Variants in XKR9 observed in about 807,000 individuals in gnomAD.
XKR9 encodes XK related 9.
Under a neutral mutation model 32.0 loss-of-function variants are expected in XKR9, and 32 were observed. The ratio of observed to expected loss-of-function variants is 1.00; its 90% CI spans 0.76 to 1.34. The LOEUF is 1.34. Among genes scored for constraint, XKR9 ranks in the 40% most tolerant of loss-of-function variants. The pLI is 0.00. For synonymous variants in XKR9, 168 were observed against 143.4 expected (o/e 1.17, Z -1.22); for missense variants, 546 against 429.7 (o/e 1.27, Z -2.39).
At chr8:70,991,763 G>A in the XKR9 span, among the ~76,000 whole-genome samples, 7 of 152,172 alleles carry the variant, frequency 4.6e-5, no homozygotes, top group Non-Finnish European at 1.0e-4. Context: ...CTGCTATACA[G>A]TTAATTTAAA....
At chr8:70,818,087 C>G in the XKR9 span, among the ~76,000 whole-genome samples, 1 of 152,138 alleles carries the variant, frequency 6.6e-6, no homozygotes, top group Admixed American at 6.5e-5. Context: ...AAAGCAACTG[C>G]AGCAAGAACA....
chr8:70,897,506 A>G, the XKR9 span, among the ~76,000 whole-genome samples: 2 of 152,212 alleles, frequency 1.3e-5, no homozygotes, highest in East Asian at 1.9e-4. Context: ...CCAACAGGGT[A>G]CAAGGGTTCC....
At chr8:70,726,749 T>G in intron 4 of XKR9, among the ~76,000 whole-genome samples, 1 of 152,212 alleles carries the variant, frequency 6.6e-6, no homozygotes, top group East Asian at 1.9e-4. Context: ...CTCGTTGACT[T>G]TCTGGAGGGC....
In XKR9 at chr8:70,735,183, T is replaced by A. The variant is rs1176393492; in HGVS notation, c.*759T>A. ...TTCATCAGTGTTAACTGTATTCACC[T>A]TGTGCAACAGATCTCAAGGACTTTT... On this transcript the variant is annotated 3_prime_UTR_variant, in exon 5 of 5. Coordinates refer to ENST00000408926, the MANE Select transcript of XKR9 (RefSeq NM_001011720.2). 6 of 152,074 alleles carry A rather than the reference T, an allele frequency of 3.9e-5. No homozygotes were observed. Among genetic ancestry groups the A allele is most frequent in the Non-Finnish European group, 8.8e-5 (6 of 68,016 alleles). 9.4% of individuals were successfully genotyped at this position (152,074 alleles called of 1,614,324 possible). A position where few individuals can be genotyped will look rare whatever the true frequency, so the allele number is the denominator to read the frequency against.
chr8:70,714,752 T>A (rs973838609), intron 4 of XKR9, among the ~76,000 whole-genome samples: 3 of 152,192 alleles, frequency 2.0e-5, no homozygotes, highest in African/African-American at 7.2e-5. Flanking sequence ...ATTGTTGATG[T>A]CTTATTTAGT....
chr8:70,757,867 G>A (rs1347451448), intron 2 of XKR9, among the ~76,000 whole-genome samples: 3 of 152,118 alleles, frequency 2.0e-5, no homozygotes, highest in South Asian at 2.1e-4. Flanking sequence ...GATTACAGGC[G>A]TGAGCCACCG....
At chr8:70,814,451 A>G in the XKR9 span, among the ~76,000 whole-genome samples, 207 of 151,888 alleles carry the variant, frequency 1.4e-3, no homozygotes, top group African/African-American at 4.7e-3. Flanking sequence ...AATAATATTA[A>G]AATAAAAAAA....
downstream of XKR9, among the ~76,000 whole-genome samples, chr8:70,794,799 G>C (rs1807807703): frequency 6.8e-6 from 1 of 146,090 alleles, no homozygotes; most frequent in Non-Finnish European, 1.5e-5. Context: ...ATATTCGTAC[G>C]ATATAATTGC....
At chr8:70,908,005 T>A in the XKR9 span, among the ~76,000 whole-genome samples, 1 of 152,216 alleles carries the variant, frequency 6.6e-6, no homozygotes, top group African/African-American at 2.4e-5. Context: ...CATAATTTAC[T>A]CTTAATTCGT....
chr8:70,671,280 T>C (rs1181200196), intron 1 of XKR9, among the ~76,000 whole-genome samples: 2 of 152,204 alleles, frequency 1.3e-5, no homozygotes, highest in Non-Finnish European at 2.9e-5. Context: ...ATTATTTCAC[T>C]TATCATAATC....
chr8:70,993,561 T>C, the XKR9 span, among the ~76,000 whole-genome samples: 1 of 151,998 alleles, frequency 6.6e-6, no homozygotes, highest in Non-Finnish European at 1.5e-5. Flanking sequence ...CTACCATCCT[T>C]ACTCTACTAA....
the XKR9 span, among the ~76,000 whole-genome samples, chr8:70,867,803 C>A: frequency 6.6e-6 from 1 of 152,158 alleles, no homozygotes; most frequent in East Asian, 1.9e-4. Context: ...GTCCACAGTC[C>A]AAAGTCTCAT....
At chr8:70,823,838 T>A in the XKR9 span, among the ~76,000 whole-genome samples, 11,042 of 151,988 alleles carry the variant, frequency 0.073, 474 homozygotes, top group Non-Finnish European at 0.089. Context: ...TGGACAGGGG[T>A]CTATATAGAA....
At chr8:70,696,880 C>G (rs1048081491) in intron 3 of XKR9, among the ~76,000 whole-genome samples, 18 of 145,666 alleles carry the variant, frequency 1.2e-4, no homozygotes, top group South Asian at 2.1e-4. Flanking sequence ...TTGTAGTTCT[C>G]CTTGAAGAGG....
the XKR9 span, among the ~76,000 whole-genome samples, chr8:70,839,456 A>G: frequency 6.6e-6 from 1 of 152,110 alleles, no homozygotes; most frequent in African/African-American, 2.4e-5. Context: ...AGATAAACCA[A>G]TACACTACAT....
chr8:70,715,947 G>C (rs1806072546), intron 4 of XKR9, among the ~76,000 whole-genome samples: 1 of 151,794 alleles, frequency 6.6e-6, no homozygotes, highest in South Asian at 2.1e-4. Flanking sequence ...TTTCAGGAAG[G>C]CCTGGCAAAA....
the XKR9 span, among the ~76,000 whole-genome samples, chr8:70,903,210 G>A: frequency 6.6e-6 from 1 of 152,126 alleles, no homozygotes; most frequent in Non-Finnish European, 1.5e-5. Context: ...GTTTCAGAAG[G>A]AATGGTACCA....
the XKR9 span, among the ~76,000 whole-genome samples, chr8:70,992,756 G>A: frequency 6.6e-6 from 1 of 152,156 alleles, no homozygotes; most frequent in Admixed American, 6.5e-5. Context: ...GTCTTCTGGT[G>A]TTCAGCTTCT....
chr8:70,959,647 A>G, the XKR9 span, among the ~76,000 whole-genome samples: 1 of 152,302 alleles, frequency 6.6e-6, no homozygotes, highest in East Asian at 1.9e-4. Context: ...GTATCCTCTA[A>G]TTTCAATCAT....
Sources: allele counts gnomAD v4.1 joint callset (sites outside exome capture counted in the v4.1 genomes callset), GRCh38; gene constraint gnomAD v4.1.1; transcripts MANE v1.5; gene names NCBI Gene and HGNC (gene_info 2026-07-23, HGNC 2026-07-21).